The following MCF2L variants were observed in gnomAD, a reference collection of about 807,000 sequenced individuals.
The protein encoded by MCF2L is MCF.2 cell line derived transforming sequence like, also known as guanine nucleotide exchange factor DBS.
A neutral mutation model predicts 153.4 loss-of-function variants in MCF2L; 97 were observed. The observed-to-expected ratio is 0.63, with a 90% CI of 0.54 to 0.75. The LOEUF is 0.75. Among genes scored for constraint, MCF2L ranks in the 30% least tolerant of loss-of-function variants. The pLI, the probability that MCF2L is intolerant of heterozygous loss-of-function variation, is 0.00. For missense variants in MCF2L, 1,347 were observed against 1,495.2 expected, an observed-to-expected ratio of 0.90 and a Z score of 1.64; for synonymous variants, 659 against 632.2, an observed-to-expected ratio of 1.04 and a Z score of -0.64.
intron 1 of MCF2L, among the ~76,000 whole-genome samples, chr13:113,000,830 C>T (rs2083336339): frequency 6.6e-6 from 1 of 152,182 alleles, no homozygotes; most frequent in Non-Finnish European, 1.5e-5. Flanking sequence ...AGGCCGGGGC[C>T]AGCAGGGACA....
intron 3 of MCF2L, among the ~76,000 whole-genome samples, chr13:113,033,359 G>GCGTGAGTGGCCCCAGTGA (rs1566773386): frequency 3.8e-5 from 1 of 25,998 alleles, no homozygotes; most frequent in Non-Finnish European, 7.5e-5. Context: ...GGACCCCGTG[G>GCGTGAGTGGCCCCAGTGA]CGTGAGTGGC....
At chr13:113,032,569 A>G (rs567987503) in intron 3 of MCF2L, among the ~76,000 whole-genome samples, 2 of 150,750 alleles carry the variant, frequency 1.3e-5, no homozygotes, top group Non-Finnish European at 3.0e-5. Context: ...CATTTTATAT[A>G]TTTTTTTTTC....
At chr13:113,089,998 G>A (rs977527218) in intron 26 of MCF2L, 36 of 1,600,866 alleles carry the variant, frequency 2.2e-5, no homozygotes, top group Admixed American at 3.4e-5. Flanking sequence ...GGCCCTCCCT[G>A]CGACAGCCGG....
chr13:113,024,486 G>T (rs1186798654), intron 2 of MCF2L, among the ~76,000 whole-genome samples, 158 bp from the exon 3 acceptor site: 1 of 152,208 alleles, frequency 6.6e-6, no homozygotes, highest in Non-Finnish European at 1.5e-5. Context: ...TTTTCTTCAA[G>T]CAGCACACAT....
chr13:113,078,353 T>C lies in MCF2L; in HGVS notation c.1661-10T>C, dbSNP rs968485342. 1 of 1,612,158 alleles carries C rather than the reference T, an allele frequency of 6.2e-7. No homozygotes were observed. Among genetic ancestry groups the C allele is most frequent in the Non-Finnish European group, 8.5e-7 (1 of 1,178,890 alleles). Reference sequence around the variant, plus strand: ...GGGACTTCATGCCCCGCTCCCCTTCTTCCCAACAGGCATTCGGCGAGGCTC... The same window carrying C: ...GGGACTTCATGCCCCGCTCCCCTTCCTCCCAACAGGCATTCGGCGAGGCTC... On this transcript the variant is annotated splice_polypyrimidine_tract_variant and intron_variant, in intron 13 of 29. Coordinates refer to ENST00000535094, the MANE Select transcript of MCF2L (RefSeq NM_001112732.3).
chr13:113,069,919 T>A, intron 8 of MCF2L, 140 bp from the exon 9 acceptor site: 1 of 551,662 alleles, frequency 1.8e-6, no homozygotes, highest in Non-Finnish European at 3.2e-6. Flanking sequence ...CAGGTTTAGG[T>A]GCAGGGAGTG....
chr13:113,066,665 G>C (rs1019718850), intron 8 of MCF2L, among the ~76,000 whole-genome samples: 3 of 152,188 alleles, frequency 2.0e-5, no homozygotes, highest in African/African-American at 4.8e-5. Context: ...TGGTGCTCTA[G>C]GATGTCCAGA....
chr13:113,074,461 C>T lies in MCF2L; in HGVS notation c.1014C>T (p.Asp338=), dbSNP rs751960337. Residue 338 remains aspartate (D), a synonymous_variant, in exon 10 of 30, where the codon GAC becomes GAT. Transcript: ENST00000535094. This position sits in a 1 kb window ranked among gnomAD's most constrained non-coding sequence, Gnocchi z 4.2. ...QGFREVKAIL[D]AASQKIATFT... is the part of the protein sequence containing the mutation. ...TGTTCCAGGTCAAAGCCATCTTGGACGCAGCGTCCCAGAAGATAGCAACCT... is the reference window on the plus strand; with the variant it reads ...TGTTCCAGGTCAAAGCCATCTTGGATGCAGCGTCCCAGAAGATAGCAACCT... 6 of 1,613,828 alleles carry T rather than the reference C, an allele frequency of 3.7e-6. No individual in the cohort carries two copies. Among genetic ancestry groups the T allele is most frequent in the East Asian group, 2.2e-5 (1 of 44,884 alleles).
chr13:113,082,472 T>C lies in MCF2L; in HGVS notation c.1921T>C (p.Ser641Pro). 2 of 1,614,072 alleles carry C rather than the reference T, an allele frequency of 1.2e-6. No individual in the cohort carries two copies. The highest frequency in any genetic ancestry group is 1.7e-6 in the Non-Finnish European group (2 of 1,179,958). ...MDNPLMAHLL[S>P]TGLHNKKDVL... The stretch of plus-strand genomic sequence containing the variant: ...TAACCCACTGATGGCTCACCTCCTG[T>C]CAACAGGCCTTCACAACAAGAAGGA... The change falls in exon 17 of 30, where the codon TCA (serine) becomes CCA (proline). Residue 641 changes from serine (S) to proline (P), a missense_variant. Coordinates refer to ENST00000535094, the MANE Select transcript of MCF2L (RefSeq NM_001112732.3).
chr13:112,917,046 T>C lies in MCF2L; in HGVS notation c.169+14675T>C. 4.2e-6 allele frequency: 2 copies of C among 470,860 alleles called. 1 individual carries two copies. Among genetic ancestry groups the C allele is most frequent in the South Asian group, 3.1e-5 (2 of 64,518 alleles). 29.2% of individuals were successfully genotyped at this position (470,860 alleles called of 1,614,324 possible). A position where few individuals can be genotyped will look rare whatever the true frequency, so the allele number is the denominator to read the frequency against. On this transcript the variant is annotated intron_variant, in intron 2 of 29. Transcript: ENST00000375608. ...CGCCAAGTCTGAGTTCTCCCCGGAT[T>C]CCTGTCAACTCAAAGGTGCTGTCGT...
intron 3 of MCF2L, among the ~76,000 whole-genome samples, chr13:113,030,318 ACCCTCAGGTGTCTGCCGACG>A: frequency 7.5e-5 from 6 of 79,480 alleles, no homozygotes; most frequent in Admixed American, 2.6e-4. Flanking sequence ...CCCGGTGTGG[ACCCTCAGGTGTCTGCCGACG>A]CCCGGTGTGG....
chr13:112,962,240 C>G (rs1003120101), intron 2 of MCF2L, among the ~76,000 whole-genome samples: 2 of 151,818 alleles, frequency 1.3e-5, no homozygotes, highest in Non-Finnish European at 2.9e-5. Context: ...CATGCACACA[C>G]ACTTGCATGC....
At position 112,988,770 on chromosome 13, in the gene MCF2L, C is replaced by T. The variant is rs545179414; in HGVS notation, c.79+19312C>T. ...CCTCCCTGAGCAGGGGATGGAGCTA[C>T]CATGCCCGAGTCCTCCCTGAGCAGG... On this transcript the variant is annotated intron_variant, in intron 1 of 29. Coordinates refer to ENST00000535094, the MANE Select transcript of MCF2L (RefSeq NM_001112732.3). Among the ~76,000 whole-genome samples, 50 of 132,464 alleles carry T rather than the reference C, an allele frequency of 3.8e-4. 2 individuals carry two copies. The East Asian group carries it at 0.011, about 29-fold the overall frequency. The allele number at this position is 132,464 out of a possible 152,430, so 86.9% of individuals were successfully genotyped here. A position where few individuals can be genotyped will look rare whatever the true frequency, so the allele number is the denominator to read the frequency against.
chr13:113,030,190 C>T (rs570580740), intron 3 of MCF2L, among the ~76,000 whole-genome samples: 58 of 152,240 alleles, frequency 3.8e-4, no homozygotes, highest in African/African-American at 1.3e-3. Context: ...TGAGCTCGTG[C>T]TTTGCTGACT....
Position 113,028,745 on chromosome 13 carries a change from T to C in MCF2L, c.278+3987T>C, listed in dbSNP as rs1056542085. Among the ~76,000 whole-genome samples the C allele has an allele frequency of 2.0e-5, 3 of 152,214 alleles. No homozygotes were observed. Among genetic ancestry groups the C allele is most frequent in the African/African-American group, 7.2e-5 (3 of 41,470 alleles). ...TTCATTCAGCCATGAGCAGTGCTGC[T>C]GACCGTGGAGCTGTTTCCCCCACCA... On this transcript the variant is annotated intron_variant, in intron 3 of 29. Coordinates refer to ENST00000535094, the MANE Select transcript of MCF2L (RefSeq NM_001112732.3). This position sits in a 1 kb window ranked among gnomAD's most constrained non-coding sequence, Gnocchi z 5.4.
At chr13:113,001,737 G>C (rs1237580720) in intron 1 of MCF2L, 3 of 1,366,310 alleles carry the variant, frequency 2.2e-6, no homozygotes, top group Non-Finnish European at 2.8e-6. Context: ...CGGAGGCCCT[G>C]GGAGGAGCAG....
chr13:112,919,724 C>T (rs1430032187), intron 2 of MCF2L, among the ~76,000 whole-genome samples: 4 of 152,108 alleles, frequency 2.6e-5, no homozygotes, highest in Non-Finnish European at 5.9e-5. Context: ...TTCTTCATAC[C>T]TACTAGACAG....
At chr13:113,051,434 T>G (rs2087319196) in intron 4 of MCF2L, among the ~76,000 whole-genome samples, 1 of 152,192 alleles carries the variant, frequency 6.6e-6, no homozygotes, top group Non-Finnish European at 1.5e-5. Context: ...AGAGCGTCTA[T>G]TTAAACGACT....
chr13:113,015,679 AG>A (rs1055021463), intron 2 of MCF2L, among the ~76,000 whole-genome samples: 6 of 152,186 alleles, frequency 3.9e-5, no homozygotes, highest in Non-Finnish European at 7.3e-5. Context: ...GCTGACTGCG[AG>A]GTGCAGCTGG....
Sources: gnomAD v4.1 joint callset for allele counts (sites outside exome capture counted in the v4.1 genomes callset) on GRCh38, gnomAD v4.1.1 for gene constraint, Gnocchi (gnomAD v3.1) non-coding constraint, MANE v1.5 for transcripts, NCBI Gene and HGNC (gene_info 2026-07-23, HGNC 2026-07-21) for gene names.